Variants in NR4A2 observed in about 807,000 individuals in gnomAD.
NR4A2 encodes the protein NGFI-B/nur77 beta-type transcription factor homolog.
A neutral mutation model predicts 50.5 loss-of-function variants in NR4A2; 1 was observed. The ratio of observed to expected loss-of-function variants is 0.02; its 90% CI spans 0.01 to 0.09. NR4A2 has a LOEUF of 0.09. NR4A2 is among the 10% of genes least tolerant of loss of function. The probability of loss-of-function intolerance (pLI) is 1.00; values close to 1 mark genes in which losing one functional copy is unlikely to be tolerated. For missense variants in NR4A2, 613 were observed against 777.3 expected (o/e 0.79, Z 2.51); for synonymous variants, 328 against 309.4 (o/e 1.06, Z -0.63).
rs1558864498 is a variant in NR4A2, at chr2:156,325,704, A to ATAACTGGAATGACAG, written c.*39_*40insCTGTCATTCCAGTTA. ...GACTTGCCCCCTCTTGACAGTTTCC[A>ATAACTGGAATGACAG]TTATCATTCCAGTTCCTTTGAAGTG... On this transcript the variant is annotated 3_prime_UTR_variant, in exon 8 of 8. Coordinates refer to ENST00000339562, the MANE Select transcript of NR4A2 (RefSeq NM_006186.4). 1.9e-6 allele frequency: 3 copies of ATAACTGGAATGACAG among 1,613,128 alleles called. No individual in the cohort carries two copies. In the Admixed American group the frequency reaches 5.0e-5, roughly 27 times the overall value.
In NR4A2 at chr2:156,326,467, C is replaced by A; in HGVS notation, c.1362-139G>T. ...AGTTAATAAAATGTAGACCAGTGGA[C>A]CTTGAAAGGGTTTAATTTCATAACA... On this transcript the variant is annotated intron_variant, in intron 6 of 7. Transcript: ENST00000339562. This position sits in a 1 kb window ranked among gnomAD's most constrained non-coding sequence, Gnocchi z 4.2. 1.1e-6 allele frequency: 1 copy of A among 918,248 alleles called. No individual in the cohort carries two copies. Among genetic ancestry groups the A allele is most frequent in the Non-Finnish European group, 1.7e-6 (1 of 579,952 alleles). 56.9% of individuals were successfully genotyped at this position (918,248 alleles called of 1,614,324 possible).
Position 156,329,293 on chromosome 2 carries a change from C to T in NR4A2, c.864+30G>A. 1 of 1,599,568 alleles carries T rather than the reference C, an allele frequency of 6.3e-7. No homozygotes were observed. Among genetic ancestry groups the T allele is most frequent in the Non-Finnish European group, 8.5e-7 (1 of 1,173,328 alleles). ...GGTCCCGGGCACTAGGGGCTCCCTACCTGCCTACTCCGCTCCCGCCATTGC... is the reference window on the plus strand; with the variant it reads ...GGTCCCGGGCACTAGGGGCTCCCTATCTGCCTACTCCGCTCCCGCCATTGC... On this transcript the variant is annotated intron_variant, in intron 3 of 7. Transcript: ENST00000339562. The surrounding 1 kb of genome is among the most constrained non-coding windows in gnomAD (Gnocchi z 7.5).
At position 156,327,864 on chromosome 2, in the gene NR4A2, A is replaced by T. The variant is rs145347057; in HGVS notation, c.1145T>A (p.Leu382Gln). 4.4e-6 allele frequency: 7 copies of T among 1,585,584 alleles called. No homozygotes were observed. In the South Asian group the frequency reaches 5.7e-5, roughly 13 times the overall value. The change falls in exon 5 of 8, where the codon CTG becomes CAG. Residue 382 changes from leucine (L) to glutamine (Q), a missense_variant. Physicochemically the swap from Leu to Gln is moderately radical, Grantham distance 113 (BLOSUM62 -2). Around this residue, in one of 4 missense-constraint regions of NR4A2, gnomAD observed 250 missense variants for 311.3 expected, o/e 0.80. Coordinates refer to ENST00000339562, the MANE Select transcript of NR4A2 (RefSeq NM_006186.4). ...HVDSNPAMTS[L>Q]DYSRFQANPD... Reference sequence around the variant, plus strand: ...CCAGCTTCTTACCCTGGAATAGTCCAGGCTGGTCATAGCCGGGTTGGAGTC... The same window carrying T: ...CCAGCTTCTTACCCTGGAATAGTCCTGGCTGGTCATAGCCGGGTTGGAGTC...
Position 156,326,953 on chromosome 2 carries a change from G to T in NR4A2, c.1159-33C>A, listed in dbSNP as rs752971794. ...TTCATTTTAAAAAGCACTTAATGAG[G>T]TTCTCTAAAATATATAACCCGTGAA... On this transcript the variant is annotated intron_variant, in intron 5 of 7. Coordinates refer to ENST00000339562, the MANE Select transcript of NR4A2 (RefSeq NM_006186.4). This position sits in a 1 kb window ranked among gnomAD's most constrained non-coding sequence, Gnocchi z 4.2. The T allele has an allele frequency of 6.2e-7, 1 of 1,602,644 alleles. No individual in the cohort carries two copies. The highest frequency in any genetic ancestry group is 2.2e-5 in the East Asian group (1 of 44,824).
chr2:156,329,834 C>A lies in NR4A2; in HGVS notation c.353G>T (p.Gly118Val), dbSNP rs150739032. Residue 118 changes from glycine to valine, a missense_variant, in exon 3 of 8, where the codon GGG becomes GTG. Gly to Val is a moderately radical substitution (Grantham distance 109). Around this residue, in one of 4 missense-constraint regions of NR4A2, gnomAD observed 275 missense variants for 248.9 expected, o/e 1.10. Transcript: ENST00000339562. The surrounding 1 kb of genome is among the most constrained non-coding windows in gnomAD (Gnocchi z 7.5). ...PQSEEMMPHS[G>V]SVYYKPSSPP... ...CGAGGAGGGCTTGTAGTAAACCGAC[C>A]CGGAGTGCGGCATCATCTCCTCAGA... The A allele has an allele frequency of 8.7e-6, 14 of 1,614,018 alleles. No individual in the cohort carries two copies. Among genetic ancestry groups the A allele is most frequent in the South Asian group, 2.2e-5 (2 of 91,080 alleles).
rs1165090166 is a variant in NR4A2 at position 156,324,555 on chromosome 2, CAT to C, written c.*1187_*1188del. ...CACCATAGAAAAAAAGGCAGTGACT[CAT>C]ATCATGTGCCATACTAGAAATATAC... On this transcript the variant is annotated 3_prime_UTR_variant, in exon 8 of 8. Transcript: ENST00000339562. 3 of 152,542 alleles carry C rather than the reference CAT, an allele frequency of 2.0e-5. No individual in the cohort carries two copies. Among genetic ancestry groups the C allele is most frequent in the African/African-American group, 7.2e-5 (3 of 41,400 alleles). 9.4% of individuals were successfully genotyped at this position (152,542 alleles called of 1,614,324 possible). A position where few individuals can be genotyped will look rare whatever the true frequency, so the allele number is the denominator to read the frequency against.
Position 156,329,298 on chromosome 2 carries a change from C to T in NR4A2, c.864+25G>A, listed in dbSNP as rs779467816. On this transcript the variant is annotated intron_variant, in intron 3 of 7. Transcript: ENST00000339562. This position sits in a 1 kb window ranked among gnomAD's most constrained non-coding sequence, Gnocchi z 7.5. ...CGGGCACTAGGGGCTCCCTACCTGC[C>T]TACTCCGCTCCCGCCATTGCTCACC... 1.2e-5 allele frequency: 20 copies of T among 1,602,470 alleles called. No individual in the cohort carries two copies. The South Asian group carries it at 2.1e-4, about 17-fold the overall frequency.
At chr2:156,332,350 G>T in intron 1 of NR4A2, 130 bp downstream of exon 1, 1 of 732,688 alleles carries the variant, frequency 1.4e-6, no homozygotes, top group Non-Finnish European at 2.1e-6. Flanking sequence ...CCATCCTTCG[G>T]TCCCACTCTC....
At chr2:156,331,221 G>A (rs1686908740) in intron 1 of NR4A2, among the ~76,000 whole-genome samples, 1 of 151,754 alleles carries the variant, frequency 6.6e-6, no homozygotes, top group South Asian at 2.1e-4. Context: ...CTTTTCTTTT[G>A]GTAGAGGGGA....
Position 156,328,637 on chromosome 2 carries a change from C to CACAA in NR4A2, c.865-108_865-105dup. 1 of 1,278,874 alleles carries CACAA rather than the reference C, an allele frequency of 7.8e-7. No homozygotes were observed. The highest frequency in any genetic ancestry group is 1.1e-6 in the Non-Finnish European group (1 of 880,436). The allele number at this position is 1,278,874 out of a possible 1,614,324, so 79.2% of individuals were successfully genotyped here. On this transcript the variant is annotated intron_variant, in intron 3 of 7. Transcript: ENST00000339562. The surrounding 1 kb of genome is among the most constrained non-coding windows in gnomAD (Gnocchi z 4.9). Reference sequence around the variant, plus strand: ...GTGACTGGGGTCTACGATTCCTCCCCACAAACAAACACATACACACAATTC... The same window carrying CACAA: ...GTGACTGGGGTCTACGATTCCTCCCCACAAACAAACAAACACATACACACAATTC...
At position 156,332,108 on chromosome 2, in the gene NR4A2, C is replaced by T. The variant is rs535613089; in HGVS notation, c.-127+372G>A. ...CCCTGTCAGTTTGTGGGCAGCTTCC[C>T]TCGTATACATAGGACTTGGAGTCTC... On this transcript the variant is annotated intron_variant, in intron 1 of 7. Coordinates refer to ENST00000339562, the MANE Select transcript of NR4A2 (RefSeq NM_006186.4). The T allele has an allele frequency of 7.2e-5, 14 of 195,656 alleles. No individual in the cohort carries two copies. The South Asian group carries it at 1.1e-3, about 15-fold the overall frequency. The allele number at this position is 195,656 out of a possible 1,614,324, so 12.1% of individuals were successfully genotyped here.
rs1445995976 is a variant in NR4A2 at position 156,326,553 on chromosome 2, TTCTCG to T, written c.1361+160_1361+164del. 2.0e-5 allele frequency among the ~76,000 whole-genome samples: 3 copies of T among 152,188 alleles called. No homozygotes were observed. Among genetic ancestry groups the T allele is most frequent in the Non-Finnish European group, 4.4e-5 (3 of 68,038 alleles). The stretch of plus-strand genomic sequence containing the variant: ...CATCCAAGGCTTCTGGGCTCGCTTC[TTCTCG>T]TCTTTTTTTGTTTTCTTTCTTTTTC... On this transcript the variant is annotated intron_variant, in intron 6 of 7. Coordinates refer to ENST00000339562, the MANE Select transcript of NR4A2 (RefSeq NM_006186.4). This position sits in a 1 kb window ranked among gnomAD's most constrained non-coding sequence, Gnocchi z 4.2.
rs536532102 is a variant in NR4A2 at position 156,332,594 on chromosome 2, G to C, written c.-241C>G. 3.2e-5 allele frequency: 28 copies of C among 883,222 alleles called. No homozygotes were observed. In the South Asian group the frequency reaches 3.3e-4, roughly 10 times the overall value. 54.7% of individuals were successfully genotyped at this position (883,222 alleles called of 1,614,324 possible). ...TGGGAGAGCTGGGCGAAGGGAACCC[G>C]GACACCTCACGGAGGGAGGGAGCAG... On this transcript the variant is annotated 5_prime_UTR_variant, in exon 1 of 8. Coordinates refer to ENST00000339562, the MANE Select transcript of NR4A2 (RefSeq NM_006186.4).
chr2:156,332,506 T>G lies in NR4A2; in HGVS notation c.-153A>C. The G allele has an allele frequency of 7.8e-7, 1 of 1,289,222 alleles. No homozygotes were observed. The allele number at this position is 1,289,222 out of a possible 1,614,324, so 79.9% of individuals were successfully genotyped here. ...TAGGAGTTCTCCGCGTCTGTCTTCATTCATTCAACTCTGCCGAAGTGCAGT... is the reference window on the plus strand; with the variant it reads ...TAGGAGTTCTCCGCGTCTGTCTTCAGTCATTCAACTCTGCCGAAGTGCAGT... On this transcript the variant is annotated 5_prime_UTR_variant, in exon 1 of 8. An upstream start codon of the reference 5' UTR is lost. Coordinates refer to ENST00000339562, the MANE Select transcript of NR4A2 (RefSeq NM_006186.4).
In NR4A2 at chr2:156,326,094, G is replaced by A. The variant is rs1686629156; in HGVS notation, c.1540+56C>T. On this transcript the variant is annotated intron_variant, in intron 7 of 7. Transcript: ENST00000339562. This position sits in a 1 kb window ranked among gnomAD's most constrained non-coding sequence, Gnocchi z 4.2. ...AGAATCTGTGACAAGGGAAACTCAG[G>A]ACAAATCCTGCTAGGCAGTTCTGGA... 3 of 1,613,288 alleles carry A rather than the reference G, an allele frequency of 1.9e-6. No individual in the cohort carries two copies. The highest frequency in any genetic ancestry group is 2.5e-6 in the Non-Finnish European group (3 of 1,179,558).
rs768793336 is a variant in NR4A2, at chr2:156,326,241, A to G, written c.1449T>C (p.Ile483=). The G allele has an allele frequency of 1.2e-6, 2 of 1,614,084 alleles. No individual in the cohort carries two copies. Among genetic ancestry groups the G allele is most frequent in the Admixed American group, 3.3e-5 (2 of 60,012 alleles). Residue 483 remains isoleucine (I), a synonymous_variant, in exon 7 of 8, where the codon ATT becomes ATC. Coordinates refer to ENST00000339562, the MANE Select transcript of NR4A2 (RefSeq NM_006186.4). The surrounding 1 kb of genome is among the most constrained non-coding windows in gnomAD (Gnocchi z 4.2). ...TGGAGGAGAATTCAACAATGGAATC[A>G]ATCCATTCCCCAAAGCCACGAACGC... is the stretch of plus-strand genomic sequence containing the variant. The part of the protein sequence containing the change: ...LQCVRGFGEW[I]DSIVEFSSNL...
rs1456461678 is a variant in NR4A2 at position 156,326,535 on chromosome 2, G to A, written c.1361+183C>T. Among the ~76,000 whole-genome samples, 2 of 152,076 alleles carry A rather than the reference G, an allele frequency of 1.3e-5. No individual in the cohort carries two copies. Among genetic ancestry groups the A allele is most frequent in the African/African-American group, 4.8e-5 (2 of 41,394 alleles). On this transcript the variant is annotated intron_variant, in intron 6 of 7. Coordinates refer to ENST00000339562, the MANE Select transcript of NR4A2 (RefSeq NM_006186.4). The surrounding 1 kb of genome is among the most constrained non-coding windows in gnomAD (Gnocchi z 4.2). ...TCCCACCTCCATTCCATTCATCCAA[G>A]GCTTCTGGGCTCGCTTCTTCTCGTC...
Position 156,329,497 on chromosome 2 carries a change from C to T in NR4A2, c.690G>A (p.Met230Ile), listed in dbSNP as rs1686811874. Residue 230 changes from methionine (M) to isoleucine (I), a missense_variant, in exon 3 of 8, where the codon ATG becomes ATA. This residue lies in a region of NR4A2 where 275 missense variants were observed against 248.9 expected (regional missense o/e 1.10). Coordinates refer to ENST00000339562, the MANE Select transcript of NR4A2 (RefSeq NM_006186.4). This position sits in a 1 kb window ranked among gnomAD's most constrained non-coding sequence, Gnocchi z 7.5. ...GGCCGATCTGCAGGCCCGGGAAGCC[C>T]ATGGACGCGGGCTTGCGAATGGGGT... ...VPNPIRKPAS[M>I]GFPGLQIGHA... is the part of the protein sequence containing the mutation. 2 of 1,605,360 alleles carry T rather than the reference C, an allele frequency of 1.2e-6. No individual in the cohort carries two copies. The highest frequency in any genetic ancestry group is 2.7e-5 in the African/African-American group (2 of 74,832).
Position 156,332,565 on chromosome 2 carries a change from G to A in NR4A2, c.-212C>T, listed in dbSNP as rs1347645739. On this transcript the variant is annotated 5_prime_UTR_variant, in exon 1 of 8. Transcript: ENST00000339562. Reference sequence around the variant, plus strand: ...GGAGCCCGGGCGCCGGGGTCGGGTAGGGGTGGGAGAGCTGGGCGAAGGGAA... The same window carrying A: ...GGAGCCCGGGCGCCGGGGTCGGGTAAGGGTGGGAGAGCTGGGCGAAGGGAA... The A allele has an allele frequency of 3.2e-6, 4 of 1,232,392 alleles. No individual in the cohort carries two copies. Among genetic ancestry groups the A allele is most frequent in the Non-Finnish European group, 4.3e-6 (4 of 937,728 alleles). 76.3% of individuals were successfully genotyped at this position (1,232,392 alleles called of 1,614,324 possible). A position where few individuals can be genotyped will look rare whatever the true frequency, so the allele number is the denominator to read the frequency against.
Sources: gnomAD v4.1 joint callset for allele counts (sites outside exome capture counted in the v4.1 genomes callset) on GRCh38, gnomAD v4.1.1 for gene constraint, gnomAD v4.1.1 regional missense constraint, Gnocchi (gnomAD v3.1) non-coding constraint, MANE v1.5 for transcripts, NCBI Gene and HGNC (gene_info 2026-07-23, HGNC 2026-07-21) for gene names.